The following WNK3 variants were observed in gnomAD, a reference collection of about 807,000 sequenced individuals.
WNK3 encodes WNK lysine deficient protein kinase 3.
In WNK3, 18 loss-of-function variants were observed where a neutral mutation model predicts 116.7. The ratio of observed to expected loss-of-function variants is 0.15; its 90% CI spans 0.11 to 0.23. The LOEUF (loss-of-function observed/expected upper bound fraction) is 0.23. Among genes scored for constraint, WNK3 ranks in the 10% least tolerant of loss-of-function variants. WNK3 has a pLI of 1.00. For synonymous variants in WNK3, 404 were observed against 469.4 expected (o/e 0.86, Z 1.80); for missense variants, 993 against 1,323.8 (o/e 0.75, Z 3.88).
intron 2 of WNK3, among the ~76,000 whole-genome samples, chrX:54,326,455 G>A (rs2069106697): frequency 9.0e-6 from 1 of 111,132 alleles, no homozygotes; most frequent in Non-Finnish European, 1.9e-5. Context: ...TGTAATCCCA[G>A]TGTTTTTGGA....
exon 16 of WNK3, chrX:54,250,010 G>A: frequency 8.3e-7 from 1 of 1,201,437 alleles, no homozygotes; most frequent in African/African-American, 1.7e-5. Context: ...GTGGATGTCG[G>A]CCAGGAACCG....
intron 2 of WNK3, among the ~76,000 whole-genome samples, chrX:54,331,264 A>AAT (rs2069167069): frequency 9.1e-6 from 1 of 109,657 alleles, no homozygotes; most frequent in African/African-American, 3.3e-5. Context: ...AAATTATGTA[A>AAT]ATATACACTA....
exon 17 of WNK3, chrX:54,249,619 C>G (rs782124950): frequency 8.3e-7 from 1 of 1,207,505 alleles, no homozygotes; most frequent in Non-Finnish European, 1.1e-6. Context: ...TTCCTTATTA[C>G]TTGTGTTTTT....
chrX:54,208,572 G>C (rs191890807), intron 22 of WNK3, among the ~76,000 whole-genome samples: 8 of 110,710 alleles, frequency 7.2e-5, no homozygotes, highest in Non-Finnish European at 3.8e-5. Flanking sequence ...ATGGGGTTTC[G>C]ACATATTGCC....
chrX:54,342,564 T>C (rs1357858248), intron 1 of WNK3, among the ~76,000 whole-genome samples: 7 of 106,875 alleles, frequency 6.5e-5, no homozygotes, highest in African/African-American at 2.4e-4. Flanking sequence ...GAAATCTGTC[T>C]CAAAAAAAAA....
chrX:54,350,594 G>A (rs1295329445), intron 1 of WNK3, among the ~76,000 whole-genome samples: 1 of 111,219 alleles, frequency 9.0e-6, no homozygotes, highest in African/African-American at 3.3e-5. Flanking sequence ...GGTATTCCAT[G>A]CATTGTTGGC....
intron 12 of WNK3, among the ~76,000 whole-genome samples, chrX:54,255,231 C>T (rs1374778679): frequency 9.0e-6 from 1 of 111,567 alleles, no homozygotes; most frequent in Non-Finnish European, 1.9e-5. Context: ...CCACCTGCCT[C>T]GGCCTTCCAA....
chrX:54,231,788 CG>C (rs1330998653), intron 21 of WNK3, among the ~76,000 whole-genome samples: 1 of 110,847 alleles, frequency 9.0e-6, no homozygotes, highest in Non-Finnish European at 1.9e-5. Context: ...TGGACGTTTT[CG>C]GGGGGAATTA....
intron 20 of WNK3, among the ~76,000 whole-genome samples, chrX:54,233,261 TAA>T (rs782394068): frequency 2.5e-4 from 19 of 76,875 alleles, no homozygotes; most frequent in Admixed American, 4.6e-4. Context: ...CCTATCTCTC[TAA>T]AAAAAAAAAA....
chrX:54,260,222 A>T (rs1557156423), intron 10 of WNK3, among the ~76,000 whole-genome samples: 1 of 111,941 alleles, frequency 8.9e-6, no homozygotes, highest in Non-Finnish European at 1.9e-5. Flanking sequence ...ATACTGAGAA[A>T]TTTTTTCCTG....
chrX:54,283,766 CAAAAA>C (rs782377430), intron 10 of WNK3, among the ~76,000 whole-genome samples: 2 of 24,100 alleles, frequency 8.3e-5, no homozygotes, highest in Non-Finnish European at 1.5e-4. Context: ...AAGACTGTCT[CAAAAA>C]AAAAAAAAAA....
At chrX:54,302,099 C>T (rs1437682436) in intron 5 of WNK3, among the ~76,000 whole-genome samples, 1 of 110,688 alleles carries the variant, frequency 9.0e-6, no homozygotes, top group African/African-American at 3.3e-5. Context: ...GGCAAAGTTA[C>T]ACATATTATG....
intron 22 of WNK3, among the ~76,000 whole-genome samples, chrX:54,209,545 C>CTTTTTTT (rs781825501): frequency 1.3e-5 from 1 of 78,454 alleles, no homozygotes; most frequent in South Asian, 6.1e-4. Flanking sequence ...TTAAGCAGTG[C>CTTTTTTT]TTTTTTTTTT....
chrX:54,344,799 C>T (rs2069386880), intron 1 of WNK3, among the ~76,000 whole-genome samples: 1 of 108,740 alleles, frequency 9.2e-6, no homozygotes, highest in Non-Finnish European at 1.9e-5. Context: ...AAAATTTTAG[C>T]CGGGCGTGGT....
chrX:54,336,776 A>T (rs1475415035), intron 1 of WNK3, among the ~76,000 whole-genome samples: 2 of 111,705 alleles, frequency 1.8e-5, no homozygotes, highest in Admixed American at 1.9e-4. Flanking sequence ...TTCAAAACAC[A>T]TTAGGGAACT....
intron 10 of WNK3, among the ~76,000 whole-genome samples, chrX:54,275,413 ATATGTGTGTGTGTGTGTGTGTGTGTGTG>A (rs1328768147): frequency 3.9e-4 from 23 of 58,337 alleles, no homozygotes; most frequent in Non-Finnish European, 7.4e-4. Context: ...GTATAAGTTC[ATATGTGTGTGTGTGTGTGTGTGTGTGTG>A]TGTGTGTGTG....
At chrX:54,349,292 C>T (rs2069480282) in intron 1 of WNK3, among the ~76,000 whole-genome samples, 1 of 111,944 alleles carries the variant, frequency 8.9e-6, no homozygotes, top group Non-Finnish European at 1.9e-5. Flanking sequence ...GAGCCGAGAT[C>T]GTGCCACTGC....
At chrX:54,326,365 C>T (rs1326777773) in intron 2 of WNK3, among the ~76,000 whole-genome samples, 1 of 111,226 alleles carries the variant, frequency 9.0e-6, no homozygotes, top group Non-Finnish European at 1.9e-5. Context: ...GCTGGGATTA[C>T]AGGCGTGAGC....
intron 2 of WNK3, 31 bp from the exon 3 acceptor site, chrX:54,311,322 G>A (rs781843132): frequency 1.8e-6 from 2 of 1,136,920 alleles, no homozygotes; most frequent in Non-Finnish European, 1.2e-6. Flanking sequence ...CCAAAATAAA[G>A]TCATGAAAAT....
Sources: gnomAD v4.1 joint callset for allele counts (sites outside exome capture counted in the v4.1 genomes callset) on GRCh38, gnomAD v4.1.1 for gene constraint, MANE v1.5 for transcripts, NCBI Gene and HGNC (gene_info 2026-07-23, HGNC 2026-07-21) for gene names.